SPATA16: variants seen among roughly 807,000 people sequenced by gnomAD.
SPATA16 encodes the protein spermatogenesis associated 16, also known as spermatogenesis-associated protein 16.
SPATA16 carries 36 observed loss-of-function variants against 63.3 expected under a neutral mutation model. That is an observed-to-expected ratio of 0.57 (90% confidence interval 0.44 to 0.75). The LOEUF (loss-of-function observed/expected upper bound fraction) is 0.75. Ranked by LOEUF, SPATA16 falls within the 30% of genes least tolerant of loss-of-function variation. The probability of loss-of-function intolerance (pLI) is 0.00; values close to 1 mark genes in which losing one functional copy is unlikely to be tolerated. For synonymous variants in SPATA16, 203 were observed against 216.7 expected (o/e 0.94, Z 0.56); for missense variants, 646 against 679.3 (o/e 0.95, Z 0.54).
At chr3:173,010,437 T>C (rs991281994) in intron 4 of SPATA16, among the ~76,000 whole-genome samples, 6 of 105,366 alleles carry the variant, frequency 5.7e-5, no homozygotes, top group Non-Finnish European at 2.0e-5. Context: ...CGTTGTGGCG[T>C]GTGTGTGTGT....
chr3:172,927,625 C>G (rs181144160), intron 6 of SPATA16, among the ~76,000 whole-genome samples: 63 of 152,268 alleles, frequency 4.1e-4, no homozygotes, highest in African/African-American at 1.5e-3. Flanking sequence ...AAAGCTGGAG[C>G]TTCCAGAGGT....
intron 1 of SPATA16, among the ~76,000 whole-genome samples, chr3:173,124,029 AT>A (rs1738160096): frequency 6.6e-6 from 1 of 152,212 alleles, no homozygotes. Context: ...ACATGAATGG[AT>A]TCCAGGGACT....
chr3:172,908,345 G>A (rs1178454610), intron 10 of SPATA16, among the ~76,000 whole-genome samples: 1 of 152,016 alleles, frequency 6.6e-6, no homozygotes, highest in Non-Finnish European at 1.5e-5. Flanking sequence ...TGGTCATTTT[G>A]TATTTGCATA....
chr3:173,056,611 G>A (rs945864166), intron 2 of SPATA16, among the ~76,000 whole-genome samples: 8 of 144,930 alleles, frequency 5.5e-5, no homozygotes, highest in Admixed American at 2.2e-4. Flanking sequence ...GGCTGAGGCA[G>A]AAGAATCTCT....
intron 3 of SPATA16, 76 bp from the exon 4 acceptor site, chr3:173,019,651 T>A: frequency 7.6e-7 from 1 of 1,314,276 alleles, no homozygotes; most frequent in Non-Finnish European, 1.1e-6. Flanking sequence ...TGGAATGAAA[T>A]CACAGGCATT....
rs1329092914 is a variant in SPATA16 at position 172,905,960 on chromosome 3, G to C, written c.1587+7701C>G. Among the ~76,000 whole-genome samples, 4 of 152,150 alleles carry C rather than the reference G, an allele frequency of 2.6e-5. No homozygotes were observed. The East Asian group carries it at 7.7e-4, about 29-fold the overall frequency. On this transcript the variant is annotated intron_variant, in intron 10 of 10. Coordinates refer to ENST00000351008, the MANE Select transcript of SPATA16 (RefSeq NM_031955.6). Reference sequence around the variant, plus strand: ...TTAGTCTTCAATCAGTGATCCAGAGGCATAGCAGAACAAGACAATACTGTA... The same window carrying C: ...TTAGTCTTCAATCAGTGATCCAGAGCCATAGCAGAACAAGACAATACTGTA...
intron 6 of SPATA16, among the ~76,000 whole-genome samples, chr3:172,952,938 C>T (rs1333214008): frequency 1.3e-5 from 1 of 78,042 alleles, no homozygotes; most frequent in Admixed American, 1.4e-4. Context: ...GACTCCATCT[C>T]AAAAAAAAAA....
At chr3:172,986,821 T>C (rs1338986944) in intron 4 of SPATA16, among the ~76,000 whole-genome samples, 1 of 152,026 alleles carries the variant, frequency 6.6e-6, no homozygotes, top group African/African-American at 2.4e-5. Context: ...GAGGATGTAT[T>C]TGAGTGAGAA....
rs1232118619 is a variant in SPATA16, at chr3:172,961,058, T to C, written c.934-4234A>G. ...TTTCTTTCTTTCTTTCTTCTTTCTT[T>C]CTTTCTTCTTTCTTCCTTCCTTCCT... On this transcript the variant is annotated intron_variant, in intron 5 of 10. Coordinates refer to ENST00000351008, the MANE Select transcript of SPATA16 (RefSeq NM_031955.6). Among the ~76,000 whole-genome samples, 311 of 36,876 alleles carry C rather than the reference T, an allele frequency of 8.4e-3. 9 individuals are homozygous for C. Among genetic ancestry groups the C allele is most frequent in the African/African-American group, 0.029 (270 of 9,230 alleles). The allele number at this position is 36,876 out of a possible 152,430, so 24.2% of individuals were successfully genotyped here. A position where few individuals can be genotyped will look rare whatever the true frequency, so the allele number is the denominator to read the frequency against.
intron 2 of SPATA16, among the ~76,000 whole-genome samples, chr3:173,067,112 A>G (rs1341218496): frequency 2.6e-5 from 4 of 152,086 alleles, no homozygotes; most frequent in Non-Finnish European, 5.9e-5. Flanking sequence ...AAAATATACA[A>G]TCAGACGAGA....
At chr3:172,924,081 A>T in intron 8 of SPATA16, 127 bp downstream of exon 8, 1 of 753,118 alleles carries the variant, frequency 1.3e-6, no homozygotes, top group Non-Finnish European at 2.2e-6. Context: ...GTTTTTGCAA[A>T]TGAGATTTAC....
At chr3:173,046,603 A>G (rs904620191) in intron 3 of SPATA16, among the ~76,000 whole-genome samples, 2 of 152,048 alleles carry the variant, frequency 1.3e-5, no homozygotes, top group African/African-American at 4.8e-5. Context: ...GCAAAAAAGG[A>G]ATATTTTAAT....
chr3:173,058,365 C>T (rs573351530), intron 2 of SPATA16, among the ~76,000 whole-genome samples: 2 of 152,014 alleles, frequency 1.3e-5, no homozygotes, highest in African/African-American at 2.4e-5. Flanking sequence ...ATCTTGCCCA[C>T]GGGTTTGATC....
chr3:172,938,421 G>T (rs2109597620), intron 6 of SPATA16, among the ~76,000 whole-genome samples: 1 of 152,184 alleles, frequency 6.6e-6, no homozygotes, highest in African/African-American at 2.4e-5. Flanking sequence ...TTAAGAAATG[G>T]GATAAATAGA....
chr3:173,008,838 T>G (rs1734997807), intron 4 of SPATA16, among the ~76,000 whole-genome samples: 1 of 152,164 alleles, frequency 6.6e-6, no homozygotes, highest in Non-Finnish European at 1.5e-5. Context: ...GACTTTAGCT[T>G]TTGAAAATTC....
intron 6 of SPATA16, among the ~76,000 whole-genome samples, chr3:172,948,415 CTT>C (rs1733346706): frequency 6.6e-6 from 1 of 152,104 alleles, no homozygotes; most frequent in Non-Finnish European, 1.5e-5. Flanking sequence ...GAAATTAAGA[CTT>C]TCTCAGACAA....
intron 4 of SPATA16, among the ~76,000 whole-genome samples, chr3:172,985,951 C>T (rs766734148): frequency 1.3e-5 from 2 of 152,110 alleles, no homozygotes; most frequent in Non-Finnish European, 2.9e-5. Context: ...AGCATGGGAA[C>T]TTCTGGTTTA....
intron 4 of SPATA16, among the ~76,000 whole-genome samples, chr3:172,982,013 A>G (rs997538371): frequency 1.3e-5 from 2 of 152,216 alleles, no homozygotes; most frequent in African/African-American, 4.8e-5. Context: ...CCAAGGGCAG[A>G]GATTTTTGTC....
At chr3:173,120,416 G>A (rs1667810102) in intron 1 of SPATA16, among the ~76,000 whole-genome samples, 1 of 152,094 alleles carries the variant, frequency 6.6e-6, no homozygotes, top group Non-Finnish European at 1.5e-5. Flanking sequence ...TTAATCCACA[G>A]TAGGCTGTTA....
Sources: gnomAD v4.1 joint callset for allele counts (sites outside exome capture counted in the v4.1 genomes callset) on GRCh38, gnomAD v4.1.1 for gene constraint, MANE v1.5 for transcripts, NCBI Gene and HGNC (gene_info 2026-07-23, HGNC 2026-07-21) for gene names.